The following BBX variants were observed in gnomAD, a reference collection of about 807,000 sequenced individuals.
BBX encodes the protein HMG box transcription factor BBX.
In BBX, 30 loss-of-function variants were observed where a neutral mutation model predicts 100.2. The observed-to-expected ratio is 0.30, with a 90% confidence interval of 0.22 to 0.41. The LOEUF is 0.41. BBX is among the 10% of genes least tolerant of loss of function. The probability of loss-of-function intolerance (pLI) is 1.00; values close to 1 mark genes in which losing one functional copy is unlikely to be tolerated. For missense variants in BBX, 1,023 were observed against 1,129.8 expected (o/e 0.91, Z 1.35); for synonymous variants, 376 against 388.1 (o/e 0.97, Z 0.37).
chr3:107,785,208 G>A (rs527364418), intron 13 of BBX, among the ~76,000 whole-genome samples: 198 of 147,528 alleles, frequency 1.3e-3, no homozygotes, highest in Non-Finnish European at 2.0e-3. Flanking sequence ...AGGCCCAGAT[G>A]GCATCACCAC....
chr3:107,759,060 A>G (rs1314649455), intron 10 of BBX, among the ~76,000 whole-genome samples: 3 of 152,044 alleles, frequency 2.0e-5, no homozygotes, highest in Non-Finnish European at 4.4e-5. Flanking sequence ...CCCTGTACCC[A>G]TGTAAGCAGG....
intron 3 of BBX, among the ~76,000 whole-genome samples, chr3:107,690,110 A>T (rs980426618): frequency 6.6e-6 from 1 of 152,224 alleles, no homozygotes; most frequent in Non-Finnish European, 1.5e-5. Context: ...GAACTTATTA[A>T]TGAAATGTAC....
intron 2 of BBX, among the ~76,000 whole-genome samples, chr3:107,530,380 G>A (rs2048073130): frequency 6.9e-6 from 1 of 145,180 alleles, no homozygotes; most frequent in South Asian, 2.1e-4. Context: ...GCAAGACTCT[G>A]TCTCCAAAAC....
Position 107,728,344 on chromosome 3 carries a change from T to C in BBX, c.406-421T>C, listed in dbSNP as rs536607191. ...GGCACTGGTGGTATTATTCTCAGTT[T>C]ATGGAATCTAAGGTTGAGGCCCAGA... On this transcript the variant is annotated intron_variant, in intron 5 of 17. Transcript: ENST00000325805. Among the ~76,000 whole-genome samples, 129 of 152,276 alleles carry C rather than the reference T, an allele frequency of 8.5e-4. 1 individual carries two copies. The highest frequency in any genetic ancestry group is 1.6e-3 in the Non-Finnish European group (109 of 68,002).
chr3:107,733,660 A>G (rs1378698169), intron 7 of BBX, among the ~76,000 whole-genome samples: 2 of 152,044 alleles, frequency 1.3e-5, no homozygotes, highest in Non-Finnish European at 2.9e-5. Flanking sequence ...TATTTTGTGT[A>G]GAGACAGGGT....
intron 13 of BBX, among the ~76,000 whole-genome samples, chr3:107,782,433 A>T (rs2067988907): frequency 6.6e-6 from 1 of 151,990 alleles, no homozygotes; most frequent in Admixed American, 6.6e-5. Flanking sequence ...AAAACATGAA[A>T]CTATAGAACC....
rs146211820 is a variant in BBX at position 107,561,603 on chromosome 3, G to A, written c.-84+35205G>A. Among the ~76,000 whole-genome samples the A allele has an allele frequency of 3.1e-3, 478 of 152,112 alleles. 1 individual carries two copies. Among genetic ancestry groups the A allele is most frequent in the Non-Finnish European group, 5.3e-3 (358 of 67,994 alleles). ...TCACAACAGTGGTCATAGAAAATACGCATATTGCAGAATAATTTTTACTTT... is the reference window on the plus strand; with the variant it reads ...TCACAACAGTGGTCATAGAAAATACACATATTGCAGAATAATTTTTACTTT... On this transcript the variant is annotated intron_variant, in intron 2 of 17. Transcript: ENST00000325805.
At chr3:107,554,367 A>G (rs1399780847) in intron 2 of BBX, among the ~76,000 whole-genome samples, 2 of 152,210 alleles carry the variant, frequency 1.3e-5, no homozygotes, top group Non-Finnish European at 2.9e-5. Flanking sequence ...CTGGTATCCA[A>G]GAAATTGTAA....
chr3:107,743,918 G>GTTTTTTTTTTTTT (rs34762783), intron 7 of BBX, among the ~76,000 whole-genome samples: 1 of 56,622 alleles, frequency 1.8e-5, no homozygotes, highest in African/African-American at 7.0e-5. Context: ...TGTTTTAGTG[G>GTTTTTTTTTTTTT]TTTTTTTTTT....
rs552924418 is a variant in BBX, at chr3:107,610,635, C to T, written c.-83-35201C>T. 1.4e-4 allele frequency among the ~76,000 whole-genome samples: 22 copies of T among 152,150 alleles called. No homozygotes were observed. The South Asian group carries it at 4.6e-3, about 32-fold the overall frequency. ...CTTCTTCTAGTTTTGGTCTTGAATA[C>T]TATTTTGTCTGATATAGGTATAGCC... On this transcript the variant is annotated intron_variant, in intron 2 of 17. Transcript: ENST00000325805.
At chr3:107,795,613 C>CTTTTTTTTTTTTTTTT (rs1158136233) in intron 15 of BBX, among the ~76,000 whole-genome samples, 4 of 60,002 alleles carry the variant, frequency 6.7e-5, no homozygotes, top group African/African-American at 7.3e-5. Flanking sequence ...CCGACGTAGT[C>CTTTTTTTTTTTTTTTT]TTTTTTTTTT....
chr3:107,797,529 G>A (rs1214646125), intron 15 of BBX, among the ~76,000 whole-genome samples: 1 of 151,528 alleles, frequency 6.6e-6, no homozygotes, highest in African/African-American at 2.4e-5. Context: ...TTATGAAAGT[G>A]CATCTTTTCC....
chr3:107,739,917 G>A (rs1204452821), intron 7 of BBX, among the ~76,000 whole-genome samples: 2 of 152,154 alleles, frequency 1.3e-5, no homozygotes, highest in East Asian at 3.9e-4. Context: ...CTGGCCTGGA[G>A]TCTGTTCTGG....
chr3:107,697,687 G>GAGGC (rs1441930668), intron 3 of BBX, among the ~76,000 whole-genome samples: 1 of 151,914 alleles, frequency 6.6e-6, no homozygotes, highest in Non-Finnish European at 1.5e-5. Flanking sequence ...GGAGCCTACA[G>GAGGC]AGGCAGGCAG....
intron 2 of BBX, among the ~76,000 whole-genome samples, chr3:107,637,356 A>G (rs2056910528): frequency 6.6e-6 from 1 of 152,222 alleles, no homozygotes; most frequent in African/African-American, 2.4e-5. Context: ...GTTTTACCAT[A>G]CTTTTCCAAC....
rs2071235748 is a variant in BBX at position 107,810,272 on chromosome 3, T to TA, written c.*4816dup. On this transcript the variant is annotated 3_prime_UTR_variant, in exon 18 of 18. Transcript: ENST00000325805. ...ATTTGATCTATGGTGGTATGATTCA[T>TA]ACTGTTAAATTGAGAGAGGAAACCT... 2 of 151,606 alleles carry TA rather than the reference T, an allele frequency of 1.3e-5. No individual in the cohort carries two copies. 9.4% of individuals were successfully genotyped at this position (151,606 alleles called of 1,614,324 possible). A position where few individuals can be genotyped will look rare whatever the true frequency, so the allele number is the denominator to read the frequency against.
At chr3:107,749,624 G>C (rs576874844) in intron 9 of BBX, among the ~76,000 whole-genome samples, 2 of 151,432 alleles carry the variant, frequency 1.3e-5, no homozygotes, top group South Asian at 4.2e-4. Flanking sequence ...ATATGATTCA[G>C]TGTATGACCT....
rs150375233 is a variant in BBX at position 107,635,236 on chromosome 3, A to C, written c.-83-10600A>C. 7.0e-3 allele frequency among the ~76,000 whole-genome samples: 1,071 copies of C among 152,292 alleles called. 15 individuals are homozygous for C. Among genetic ancestry groups the C allele is most frequent in the African/African-American group, 0.024 (986 of 41,568 alleles). ...TACTTTAACTCCTCAGAAATTGATT[A>C]TGTTTTTCTGGAGGCATGTATGGTA... On this transcript the variant is annotated intron_variant, in intron 2 of 17. Coordinates refer to ENST00000325805, the MANE Select transcript of BBX (RefSeq NM_001142568.3).
intron 10 of BBX, among the ~76,000 whole-genome samples, chr3:107,768,894 A>G (rs1294661602): frequency 6.6e-6 from 1 of 151,068 alleles, no homozygotes; most frequent in East Asian, 1.9e-4. Context: ...GCAGTGGCAC[A>G]TGCCTGTACT....
Sources: gnomAD v4.1 joint callset for allele counts (sites outside exome capture counted in the v4.1 genomes callset) on GRCh38, gnomAD v4.1.1 for gene constraint, MANE v1.5 for transcripts, NCBI Gene and HGNC (gene_info 2026-07-23, HGNC 2026-07-21) for gene names.